Variants in MCPH1 observed in about 807,000 individuals in gnomAD.
MCPH1 encodes the protein microcephalin 1, also known as microcephalin.
Under a neutral mutation model 84.5 loss-of-function variants are expected in MCPH1, and 104 were observed. The ratio of observed to expected loss-of-function variants is 1.23; its 90% CI spans 1.05 to 1.45. MCPH1 has a LOEUF of 1.45. MCPH1 is among the 40% of genes most tolerant of loss of function. MCPH1 has a pLI of 0.00. For synonymous variants in MCPH1, 514 were observed against 366.8 expected (o/e 1.40, Z -4.58); for missense variants, 1,498 against 1,005.7 (o/e 1.49, Z -6.62).
At chr8:6,555,172 T>G (rs773283238) in intron 12 of MCPH1, among the ~76,000 whole-genome samples, 5 of 152,186 alleles carry the variant, frequency 3.3e-5, no homozygotes, top group Non-Finnish European at 5.9e-5. Context: ...TTTTTAAGCA[T>G]TAACATAATC....
In MCPH1 at chr8:6,643,503, G is replaced by A. The variant is rs982875581; in HGVS notation, c.*454G>A. ...TGGTCTCAAACGCCTGAGCTCAGGT[G>A]ATCTGTCAGGCCTCTTCTATAGAAT... On this transcript the variant is annotated 3_prime_UTR_variant, in exon 14 of 14. Coordinates refer to ENST00000344683, the MANE Select transcript of MCPH1 (RefSeq NM_024596.5). 4.7e-6 allele frequency: 1 copy of A among 213,510 alleles called. No individual in the cohort carries two copies. The highest frequency in any genetic ancestry group is 2.3e-5 in the African/African-American group (1 of 42,736). The allele number at this position is 213,510 out of a possible 1,614,324, so 13.2% of individuals were successfully genotyped here. A position where few individuals can be genotyped will look rare whatever the true frequency, so the allele number is the denominator to read the frequency against.
chr8:6,407,389 A>C (rs1007541830), intron 1 of MCPH1, among the ~76,000 whole-genome samples: 2 of 152,094 alleles, frequency 1.3e-5, no homozygotes, highest in Non-Finnish European at 2.9e-5. Context: ...TCGGACGTTT[A>C]GGTGACTCTC....
intron 9 of MCPH1, among the ~76,000 whole-genome samples, chr8:6,473,232 T>A (rs2129558786): frequency 6.6e-6 from 1 of 151,368 alleles, no homozygotes; most frequent in South Asian, 2.1e-4. Flanking sequence ...TTTTCTGTAA[T>A]AAACTTAAAA....
At chr8:6,558,640 A>C (rs568818390) in intron 12 of MCPH1, among the ~76,000 whole-genome samples, 2 of 152,210 alleles carry the variant, frequency 1.3e-5, no homozygotes. Context: ...TATTTAGACT[A>C]TATGGATTAT....
At chr8:6,640,969 AT>A (rs1200217422) in intron 13 of MCPH1, among the ~76,000 whole-genome samples, 1 of 152,082 alleles carries the variant, frequency 6.6e-6, no homozygotes, top group Non-Finnish European at 1.5e-5. Context: ...ATTCTCGTCC[AT>A]TGATCTGTTT....
At chr8:6,436,587 TTAGAA>T (rs1802668053) in intron 5 of MCPH1, among the ~76,000 whole-genome samples, 1 of 152,026 alleles carries the variant, frequency 6.6e-6, no homozygotes, top group Admixed American at 6.5e-5. Flanking sequence ...GGAAAATACT[TTAGAA>T]TATTATGTTC....
chr8:6,428,736 C>G (rs962012114), intron 3 of MCPH1, among the ~76,000 whole-genome samples: 1 of 146,728 alleles, frequency 6.8e-6, no homozygotes, highest in South Asian at 2.2e-4. Context: ...TGTATGGACA[C>G]GTGCGCACGC....
At chr8:6,513,523 C>T (rs1420763189) in intron 12 of MCPH1, among the ~76,000 whole-genome samples, 1 of 152,050 alleles carries the variant, frequency 6.6e-6, no homozygotes, top group East Asian at 1.9e-4. Flanking sequence ...CTAGTAGAGA[C>T]AGGGTTTCAC....
intron 3 of MCPH1, among the ~76,000 whole-genome samples, chr8:6,422,543 T>C (rs1800367442): frequency 6.6e-6 from 1 of 152,176 alleles, no homozygotes; most frequent in Non-Finnish European, 1.5e-5. Flanking sequence ...TTAGGGATTC[T>C]TACTCTGCTT....
intron 12 of MCPH1, among the ~76,000 whole-genome samples, chr8:6,535,270 A>C (rs1380647880): frequency 6.6e-6 from 1 of 152,132 alleles, no homozygotes; most frequent in Admixed American, 6.6e-5. Flanking sequence ...TGTGTTTGCA[A>C]CTCTCCAGAG....
intron 4 of MCPH1, among the ~76,000 whole-genome samples, chr8:6,433,061 C>T (rs1477915125): frequency 1.3e-5 from 2 of 152,168 alleles, no homozygotes; most frequent in South Asian, 4.1e-4. Flanking sequence ...TTATGTGTAT[C>T]ATTTGGTGAG....
intron 12 of MCPH1, among the ~76,000 whole-genome samples, chr8:6,589,588 C>T (rs10099217): frequency 0.021 from 3,253 of 152,290 alleles, 116 homozygotes; most frequent in African/African-American, 0.074. Flanking sequence ...GGGTGCTAAG[C>T]TTCAGTGACT....
chr8:6,601,570 A>T (rs77696719), intron 12 of MCPH1, among the ~76,000 whole-genome samples: 11,656 of 43,462 alleles, frequency 0.27, 716 homozygotes, highest in East Asian at 0.49. Flanking sequence ...CACACCCCAC[A>T]TGCACATCAT....
chr8:6,591,712 G>A (rs1010639636), intron 12 of MCPH1, among the ~76,000 whole-genome samples: 7 of 152,196 alleles, frequency 4.6e-5, no homozygotes, highest in African/African-American at 1.4e-4. Flanking sequence ...TGGGAAGGTA[G>A]CCCCAAGACA....
At chr8:6,550,690 G>GT (rs1344872520) in intron 12 of MCPH1, among the ~76,000 whole-genome samples, 1 of 152,144 alleles carries the variant, frequency 6.6e-6, no homozygotes, top group East Asian at 1.9e-4. Context: ...TTTAAAATCT[G>GT]TTTTATTGTA....
At chr8:6,511,112 A>C (rs565728502) in intron 12 of MCPH1, among the ~76,000 whole-genome samples, 2 of 152,292 alleles carry the variant, frequency 1.3e-5, no homozygotes, top group Admixed American at 6.5e-5. Context: ...GAACTTGTTA[A>C]ATTATCCCCA....
intron 9 of MCPH1, among the ~76,000 whole-genome samples, chr8:6,466,944 C>A (rs372187233): frequency 2.0e-5 from 3 of 152,100 alleles, no homozygotes; most frequent in East Asian, 3.8e-4. Flanking sequence ...AAAGTTATTG[C>A]CTTCCAAATA....
chr8:6,446,945 A>T (rs1460274880), intron 8 of MCPH1: 1 of 985,120 alleles, frequency 1.0e-6, no homozygotes, highest in Non-Finnish European at 1.2e-6. Context: ...GCACTAGTTG[A>T]CTCAAGGCAC....
chr8:6,433,929 C>T (rs554131174), intron 4 of MCPH1, among the ~76,000 whole-genome samples: 34 of 152,052 alleles, frequency 2.2e-4, no homozygotes, highest in Admixed American at 2.0e-4. Context: ...GCATGCCAAT[C>T]GTATTTCTAT....
Sources: allele counts gnomAD v4.1 joint callset (sites outside exome capture counted in the v4.1 genomes callset), GRCh38; gene constraint gnomAD v4.1.1; transcripts MANE v1.5; gene names NCBI Gene and HGNC (gene_info 2026-07-23, HGNC 2026-07-21).